The following CEP85 variants were observed in gnomAD, a reference collection of about 807,000 sequenced individuals.
CEP85 encodes centrosomal protein of 85 kDa.
Under a neutral mutation model 93.7 loss-of-function variants are expected in CEP85, and 58 were observed. The ratio of observed to expected loss-of-function variants is 0.62; its 90% CI spans 0.50 to 0.77. The LOEUF (loss-of-function observed/expected upper bound fraction) is 0.77. Ranked by LOEUF, CEP85 falls within the 30% of genes least tolerant of loss-of-function variation. The probability of loss-of-function intolerance (pLI) is 0.00; values close to 1 mark genes in which losing one functional copy is unlikely to be tolerated. For missense variants in CEP85, 868 were observed against 922.0 expected, an observed-to-expected ratio of 0.94 and a Z score of 0.76; for synonymous variants, 314 against 338.6, an observed-to-expected ratio of 0.93 and a Z score of 0.80.
In CEP85 at chr1:26,257,698, C is replaced by G; in HGVS notation, c.1005C>G (p.His335Gln). 6.2e-7 allele frequency: 1 copy of G among 1,614,122 alleles called. No homozygotes were observed. The highest frequency in any genetic ancestry group is 8.5e-7 in the Non-Finnish European group (1 of 1,180,006). ...TCAGCATCTTGAACAGTAATGAACA[C>G]CTTCTGAAGGAAAAAGAGCTTCTCA... Reference protein sequence around the residue: ...QWISILNSNEHLLKEKELLID... With the variant: ...QWISILNSNEQLLKEKELLID... Residue 335 changes from histidine to glutamine, a missense_variant, in exon 5 of 14, where the codon CAC becomes CAG. Physicochemically the swap from His to Gln is conservative, Grantham distance 24 (BLOSUM62 0). Coordinates refer to ENST00000451429, the MANE Select transcript of CEP85 (RefSeq NM_001319944.2).
chr1:26,265,408 C>G (rs2089879129), intron 7 of CEP85, among the ~76,000 whole-genome samples: 1 of 152,138 alleles, frequency 6.6e-6, no homozygotes, highest in Non-Finnish European at 1.5e-5. Flanking sequence ...TGTGAGCCAC[C>G]ACACCCGGCC....
At chr1:26,244,731 C>T (rs1318323884) in intron 3 of CEP85, among the ~76,000 whole-genome samples, 2 of 152,106 alleles carry the variant, frequency 1.3e-5, no homozygotes, top group Non-Finnish European at 2.9e-5. Context: ...CCATGTTGCC[C>T]AGGCTGGTCT....
intron 7 of CEP85, among the ~76,000 whole-genome samples, chr1:26,267,189 C>G (rs909275446): frequency 1.3e-5 from 2 of 152,156 alleles, no homozygotes; most frequent in African/African-American, 4.8e-5. Context: ...CTTCTATGAC[C>G]CCTTCAGGTT....
At chr1:26,262,381 G>A (rs2089823742) in intron 7 of CEP85, among the ~76,000 whole-genome samples, 1 of 152,046 alleles carries the variant, frequency 6.6e-6, no homozygotes. Context: ...AAGAGGCTGG[G>A]GCAAGAGAGT....
At chr1:26,254,056 C>G (rs934535563) in intron 3 of CEP85, among the ~76,000 whole-genome samples, 7 of 151,864 alleles carry the variant, frequency 4.6e-5, no homozygotes, top group African/African-American at 1.7e-4. Context: ...ATTCTGGGAA[C>G]AATTATAGTA....
intron 2 of CEP85, among the ~76,000 whole-genome samples, chr1:26,240,475 A>C (rs1031977582): frequency 1.3e-5 from 2 of 152,160 alleles, no homozygotes; most frequent in African/African-American, 4.8e-5. Context: ...GTAATACCCA[A>C]TGCAATGTAA....
At chr1:26,274,929 A>G (rs974252205) in intron 11 of CEP85, 35 bp from the exon 12 acceptor site, 3 of 1,515,742 alleles carry the variant, frequency 2.0e-6, no homozygotes, top group Non-Finnish European at 2.7e-6. Context: ...TGTTACCCCT[A>G]CTGTGTTCCC....
chr1:26,277,537 A>C lies in CEP85; in HGVS notation c.*244A>C. On this transcript the variant is annotated 3_prime_UTR_variant, in exon 14 of 14. Coordinates refer to ENST00000451429, the MANE Select transcript of CEP85 (RefSeq NM_001319944.2). ...TTACTAATTAACTTTTGGCAGGTACAACAGATAAGTCCTCACAAACTGTTC... is the reference window on the plus strand; with the variant it reads ...TTACTAATTAACTTTTGGCAGGTACCACAGATAAGTCCTCACAAACTGTTC... 1 of 416,700 alleles carries C rather than the reference A, an allele frequency of 2.4e-6. No homozygotes were observed. Among genetic ancestry groups the C allele is most frequent in the South Asian group, 3.0e-5 (1 of 32,820 alleles). 25.8% of individuals were successfully genotyped at this position (416,700 alleles called of 1,614,324 possible).
At chr1:26,259,861 C>A in intron 7 of CEP85, 59 bp downstream of exon 7, 2 of 1,424,508 alleles carry the variant, frequency 1.4e-6, no homozygotes, top group South Asian at 2.8e-5. Flanking sequence ...GCTGTCTACT[C>A]TAAAGCCTAA....
At chr1:26,273,631 T>G (rs1481080283) in intron 11 of CEP85, among the ~76,000 whole-genome samples, 2 of 152,146 alleles carry the variant, frequency 1.3e-5, no homozygotes, top group Admixed American at 6.5e-5. Flanking sequence ...ACACGGTGGC[T>G]CACGCCTGTA....
chr1:26,255,363 A>C lies in CEP85; in HGVS notation c.401A>C (p.Asp134Ala). 6.2e-7 allele frequency: 1 copy of C among 1,614,006 alleles called. No homozygotes were observed. Among genetic ancestry groups the C allele is most frequent in the Non-Finnish European group, 8.5e-7 (1 of 1,179,998 alleles). ...AESVGMTRNG[D>A]LGAMKHSPGL... ...AGTGTGGGAATGACAAGAAATGGAG[A>C]CCTCGGTGCAATGAAACATTCTCCA... The change falls in exon 4 of 14, where the codon GAC (aspartate) becomes GCC (alanine). Residue 134 changes from aspartate (D) to alanine (A), a missense_variant. By Grantham distance (126) the Asp-to-Ala change is moderately radical. Transcript: ENST00000451429.
At chr1:26,237,547 ACT>A (rs1332570841) in intron 1 of CEP85, among the ~76,000 whole-genome samples, 1 of 152,048 alleles carries the variant, frequency 6.6e-6, no homozygotes, top group African/African-American at 2.4e-5. Context: ...GCTGAATAAT[ACT>A]CTGTTTTTTG....
rs200313680 is a variant in CEP85 at position 26,255,578 on chromosome 1, C to A, written c.616C>A (p.Arg206Ser). ...TTATTCAGATCCTCACCACCGAGTC[C>A]GCTTCCACAACCCAAGAACCAGCAC... ...TLYSDPHHRV[R>S]FHNPRTSTSK... is the part of the protein sequence containing the mutation. The change falls in exon 4 of 14, where the codon CGC becomes AGC. Residue 206 changes from arginine (R) to serine (S), a missense_variant. Arg to Ser is a moderately radical substitution (Grantham distance 110, BLOSUM62 -1). Coordinates refer to ENST00000451429, the MANE Select transcript of CEP85 (RefSeq NM_001319944.2). 1 of 1,614,126 alleles carries A rather than the reference C, an allele frequency of 6.2e-7. No individual in the cohort carries two copies. Among genetic ancestry groups the A allele is most frequent in the South Asian group, 1.1e-5 (1 of 91,070 alleles).
intron 1 of CEP85, among the ~76,000 whole-genome samples, chr1:26,239,140 T>A (rs2089379682): frequency 6.6e-6 from 1 of 152,202 alleles, no homozygotes; most frequent in African/African-American, 2.4e-5. Flanking sequence ...GTAATATTTT[T>A]AAATTTTATA....
At position 26,258,169 on chromosome 1, in the gene CEP85, A is replaced by G. The variant is rs1419868401; in HGVS notation, c.1064A>G (p.Glu355Gly). ...CAGAGGAAACACATCTCTCAGCTGG[A>G]GCAGAAAGTGCGAGAGAGCGAACTG... ...DKQRKHISQL[E>G]QKVRESELQV... is the part of the protein sequence containing the mutation. The change falls in exon 6 of 14, where the codon GAG (glutamate) becomes GGG (glycine). Residue 355 changes from glutamate to glycine, a missense_variant. Transcript: ENST00000451429. 6.2e-7 allele frequency: 1 copy of G among 1,614,106 alleles called. No homozygotes were observed. Among genetic ancestry groups the G allele is most frequent in the Non-Finnish European group, 8.5e-7 (1 of 1,179,988 alleles).
rs1352482858 is a variant in CEP85 at position 26,276,733 on chromosome 1, A to C, written c.2101A>C (p.Asn701His). The change falls in exon 13 of 14, where the codon AAT becomes CAT. Residue 701 changes from asparagine (N) to histidine (H), a missense_variant. Physicochemically the swap from Asn to His is moderately conservative, Grantham distance 68. Coordinates refer to ENST00000451429, the MANE Select transcript of CEP85 (RefSeq NM_001319944.2). ...VTQRAQGHDP[N>H]LSLLLGIHSQ... is the part of the protein sequence containing the mutation. ...CCAGAGGGCCCAGGGCCATGACCCC[A>C]ATCTCTCCCTGCTCCTGGGCATTCA... is the stretch of plus-strand genomic sequence containing the variant. 1.9e-6 allele frequency: 3 copies of C among 1,613,842 alleles called. No individual in the cohort carries two copies. The Admixed American group carries it at 5.0e-5, about 27-fold the overall frequency.
At chr1:26,256,923 GTTTTGGT>G (rs1450659551) in intron 4 of CEP85, among the ~76,000 whole-genome samples, 7 of 130,048 alleles carry the variant, frequency 5.4e-5, no homozygotes, top group Non-Finnish European at 8.2e-5. Flanking sequence ...GTTTTGTTTT[GTTTTGGT>G]GTGTGTGTGT....
intron 3 of CEP85, among the ~76,000 whole-genome samples, chr1:26,246,551 C>T (rs1050398575): frequency 9.9e-5 from 15 of 151,844 alleles, no homozygotes; most frequent in Non-Finnish European, 1.9e-4. Context: ...CTGGGCAACA[C>T]GGTGAAAGCC....
intron 12 of CEP85, among the ~76,000 whole-genome samples, chr1:26,275,275 C>T (rs1224880432): frequency 1.3e-5 from 2 of 149,224 alleles, no homozygotes; most frequent in Non-Finnish European, 3.0e-5. Flanking sequence ...TAATTATTAC[C>T]TAGGAAGGTT....
Sources: allele counts gnomAD v4.1 joint callset (sites outside exome capture counted in the v4.1 genomes callset), GRCh38; gene constraint gnomAD v4.1.1; transcripts MANE v1.5; gene names NCBI Gene and HGNC (gene_info 2026-07-23, HGNC 2026-07-21).